The following CCDC175 variants were observed in gnomAD, a reference collection of about 807,000 sequenced individuals.
CCDC175 encodes the protein coiled-coil domain containing 175, also known as coiled-coil domain-containing protein 175.
Under a neutral mutation model 114.6 loss-of-function variants are expected in CCDC175, and 100 were observed. The ratio of observed to expected loss-of-function variants is 0.87; its 90% CI spans 0.74 to 1.03. The LOEUF (loss-of-function observed/expected upper bound fraction) is 1.03. Ranked by LOEUF, CCDC175 falls within the 50% of genes least tolerant of loss-of-function variation. CCDC175 has a pLI of 0.00. For missense variants in CCDC175, 880 were observed against 917.8 expected (o/e 0.96, Z 0.53); for synonymous variants, 306 against 308.7 (o/e 0.99, Z 0.09).
At chr14:59,509,452 C>A (rs935000444) in intron 19 of CCDC175, among the ~76,000 whole-genome samples, 1 of 152,188 alleles carries the variant, frequency 6.6e-6, no homozygotes, top group African/African-American at 2.4e-5. Flanking sequence ...TTCTGTCAAG[C>A]AATGCCCCAG....
At chr14:59,514,037 C>A (rs901703398) in intron 17 of CCDC175, among the ~76,000 whole-genome samples, 2 of 152,204 alleles carry the variant, frequency 1.3e-5, no homozygotes, top group Non-Finnish European at 2.9e-5. Context: ...GCCTCCGCTG[C>A]TGATACCCAG....
chr14:59,573,499 A>G (rs12100512), intron 2 of CCDC175, among the ~76,000 whole-genome samples: 3,623 of 152,278 alleles, frequency 0.024, 116 homozygotes, highest in African/African-American at 0.073. Flanking sequence ...TATATTCATC[A>G]GCATTAATAG....
chr14:59,523,382 GA>G (rs998368929), intron 16 of CCDC175, among the ~76,000 whole-genome samples: 3 of 152,016 alleles, frequency 2.0e-5, no homozygotes, highest in African/African-American at 7.2e-5. Flanking sequence ...TTTAACAGAT[GA>G]AAAAAATTAC....
At chr14:59,544,520 T>C (rs1894986399) in intron 9 of CCDC175, among the ~76,000 whole-genome samples, 1 of 152,150 alleles carries the variant, frequency 6.6e-6, no homozygotes, top group Non-Finnish European at 1.5e-5. Flanking sequence ...GTGGACTGAA[T>C]TGTGCCTCCC....
intron 14 of CCDC175, among the ~76,000 whole-genome samples, chr14:59,528,483 A>T (rs953579267): frequency 6.6e-6 from 1 of 152,138 alleles, no homozygotes; most frequent in Non-Finnish European, 1.5e-5. Flanking sequence ...TATCATTGTC[A>T]GGCAGTTTCT....
Position 59,545,190 on chromosome 14 carries a change from A to G in CCDC175, c.1145T>C (p.Phe382Ser). ...KIVLSEEEKA[F>S]LQKQKIHDEN... ...ATCATGAATCTTTTGTTTTTGCAAA[A>G]AAGCTTTTTCTTCCTCACTTAAAAC... Residue 382 changes from phenylalanine (F) to serine (S), a missense_variant, in exon 9 of 20, where the codon TTT (phenylalanine) becomes TCT (serine). Coordinates refer to ENST00000537690, the MANE Select transcript of CCDC175 (RefSeq NM_001164399.2). 6.5e-7 allele frequency: 1 copy of G among 1,536,946 alleles called. No homozygotes were observed. The highest frequency in any genetic ancestry group is 8.7e-7 in the Non-Finnish European group (1 of 1,146,748).
chr14:59,541,509 A>C (rs928954862), intron 10 of CCDC175, among the ~76,000 whole-genome samples: 2 of 152,204 alleles, frequency 1.3e-5, no homozygotes, highest in Admixed American at 6.5e-5. Flanking sequence ...TGAAACTTAG[A>C]ATAGGAAACA....
chr14:59,567,562 C>G (rs1291252228), intron 4 of CCDC175, among the ~76,000 whole-genome samples: 1 of 152,108 alleles, frequency 6.6e-6, no homozygotes, highest in Non-Finnish European at 1.5e-5. Context: ...AGGGGTAATT[C>G]TTCAAGGGGG....
chr14:59,562,739 CGATTTAT>C (rs1210105323), intron 6 of CCDC175, among the ~76,000 whole-genome samples: 1 of 151,996 alleles, frequency 6.6e-6, no homozygotes, highest in Non-Finnish European at 1.5e-5. Flanking sequence ...GTGGTGCACT[CGATTTAT>C]GATTTATGAG....
intron 13 of CCDC175, among the ~76,000 whole-genome samples, chr14:59,534,756 C>G (rs1030828290): frequency 1.3e-5 from 2 of 152,072 alleles, no homozygotes; most frequent in Non-Finnish European, 1.5e-5. Flanking sequence ...ACGGAGGGTC[C>G]GGTATCAGAG....
At chr14:59,518,842 C>G (rs572957593) in intron 17 of CCDC175, among the ~76,000 whole-genome samples, 95 of 152,258 alleles carry the variant, frequency 6.2e-4, no homozygotes, top group Admixed American at 1.2e-3. Context: ...GATTATAAAT[C>G]ATGCTGCTAT....
intron 7 of CCDC175, among the ~76,000 whole-genome samples, chr14:59,558,892 T>A (rs1316188545): frequency 6.6e-6 from 1 of 151,984 alleles, no homozygotes; most frequent in Admixed American, 6.6e-5. Context: ...TAAAAAAGAA[T>A]TGGAACAAGT....
intron 6 of CCDC175, 145 bp from the exon 7 acceptor site, chr14:59,561,373 T>G: frequency 2.1e-6 from 1 of 468,436 alleles, no homozygotes; most frequent in South Asian, 5.0e-5. Context: ...ATCATTATAA[T>G]TGTTTCTCTA....
intron 8 of CCDC175, 44 bp from the exon 9 acceptor site, chr14:59,545,343 G>A: frequency 6.5e-7 from 1 of 1,527,406 alleles, no homozygotes; most frequent in Non-Finnish European, 8.8e-7. Flanking sequence ...TGGCTTCACT[G>A]CTCCTCTGAG....
intron 17 of CCDC175, among the ~76,000 whole-genome samples, chr14:59,518,025 C>A (rs1007106913): frequency 1.3e-5 from 2 of 152,146 alleles, no homozygotes; most frequent in Admixed American, 1.3e-4. Context: ...CGCATATCTA[C>A]AACCATCTGA....
At chr14:59,552,428 T>C (rs1895576076) in intron 7 of CCDC175, among the ~76,000 whole-genome samples, 1 of 152,040 alleles carries the variant, frequency 6.6e-6, no homozygotes, top group Admixed American at 6.6e-5. Flanking sequence ...GAAGGAAAAC[T>C]AAAAAACAGA....
intron 17 of CCDC175, among the ~76,000 whole-genome samples, chr14:59,521,362 T>C (rs1186072851): frequency 6.6e-6 from 1 of 152,206 alleles, no homozygotes; most frequent in Non-Finnish European, 1.5e-5. Flanking sequence ...GGCTGCACTG[T>C]TGGCTTCCCT....
At chr14:59,536,272 C>T (rs929074272) in intron 13 of CCDC175, among the ~76,000 whole-genome samples, 2 of 152,044 alleles carry the variant, frequency 1.3e-5, no homozygotes, top group Admixed American at 1.3e-4. Context: ...CCATCTCCTG[C>T]AGACATCTGC....
intron 14 of CCDC175, 81 bp downstream of exon 14, chr14:59,531,690 AC>A: frequency 1.0e-6 from 1 of 998,574 alleles, no homozygotes; most frequent in Non-Finnish European, 1.4e-6. Context: ...TTGGCTTGTA[AC>A]TGATGACCTC....
Sources: gnomAD v4.1 joint callset for allele counts (sites outside exome capture counted in the v4.1 genomes callset) on GRCh38, gnomAD v4.1.1 for gene constraint, MANE v1.5 for transcripts, NCBI Gene and HGNC (gene_info 2026-07-23, HGNC 2026-07-21) for gene names.